Variants in MAST2 observed in about 807,000 individuals in gnomAD.
The protein encoded by MAST2 is microtubule associated serine/threonine kinase 2.
Under a neutral mutation model 147.4 loss-of-function variants are expected in MAST2, and 70 were observed. The ratio of observed to expected loss-of-function variants is 0.47; its 90% CI spans 0.39 to 0.58. The LOEUF is 0.58. MAST2 is among the 20% of genes least tolerant of loss of function. The probability of loss-of-function intolerance (pLI) is 0.00; values close to 1 mark genes in which losing one functional copy is unlikely to be tolerated. For synonymous variants in MAST2, 869 were observed against 896.8 expected, an observed-to-expected ratio of 0.97 and a Z score of 0.55; for missense variants, 2,080 against 2,302.3, an observed-to-expected ratio of 0.90 and a Z score of 1.98.
At chr1:45,881,655 A>G (rs1378545467) in intron 3 of MAST2, among the ~76,000 whole-genome samples, 1 of 152,006 alleles carries the variant, frequency 6.6e-6, no homozygotes, top group Non-Finnish European at 1.5e-5. Context: ...AATATTTTCT[A>G]GTTATCACCC....
At chr1:45,826,545 G>C (rs908790690) in intron 2 of MAST2, among the ~76,000 whole-genome samples, 10 of 151,906 alleles carry the variant, frequency 6.6e-5, no homozygotes, top group Non-Finnish European at 8.8e-5. Flanking sequence ...TAGAGAGGGG[G>C]TTTCGCCATG....
At position 45,997,759 on chromosome 1, in the gene MAST2, C is replaced by A. The variant is rs1220099574; in HGVS notation, c.628C>A (p.Pro210Thr). 1 of 1,614,176 alleles carries A rather than the reference C, an allele frequency of 6.2e-7. No individual in the cohort carries two copies. Among genetic ancestry groups the A allele is most frequent in the East Asian group, 2.2e-5 (1 of 44,882 alleles). The change falls in exon 6 of 29, where the codon CCA (proline) becomes ACA (threonine). Residue 210 changes from proline to threonine, a missense_variant. Transcript: ENST00000361297. ...TTTGGACAGCCCCCGGAATTTCTCT[C>A]CAAATGCACCTGCTCACTTTTCTTT... ...SPLDSPRNFS[P>T]NAPAHFSFVP...
Position 45,803,878 on chromosome 1 carries a change from C to T in MAST2, c.-18C>T. On this transcript the variant is annotated 5_prime_UTR_variant, in exon 1 of 29. Coordinates refer to ENST00000361297, the MANE Select transcript of MAST2 (RefSeq NM_015112.3). ...GGGACAGTCGCGGCGCTGACGCCCG[C>T]GGGCCCCAGCTGCAGATATGAAGCG... The T allele has an allele frequency of 3.5e-6, 2 of 568,496 alleles. No individual in the cohort carries two copies. Among genetic ancestry groups the T allele is most frequent in the Admixed American group, 4.5e-5 (1 of 22,466 alleles). The allele number at this position is 568,496 out of a possible 1,614,324, so 35.2% of individuals were successfully genotyped here. A position where few individuals can be genotyped will look rare whatever the true frequency, so the allele number is the denominator to read the frequency against.
intron 2 of MAST2, among the ~76,000 whole-genome samples, chr1:45,826,977 A>G (rs1402069736): frequency 6.6e-6 from 1 of 151,400 alleles, no homozygotes; most frequent in Non-Finnish European, 1.5e-5. Context: ...TACAGGTGCC[A>G]TGCCACCACA....
Position 46,035,905 on chromosome 1 carries a change from G to A in MAST2, c.5236G>A (p.Val1746Met), listed in dbSNP as rs375957119. 7 of 1,613,980 alleles carry A rather than the reference G, an allele frequency of 4.3e-6. No individual in the cohort carries two copies. In the African/African-American group the frequency reaches 6.7e-5, roughly 15 times the overall value. ...KEDPALSITQ[V>M]PDASGDRRQD... ...GGATCCAGCCCTGAGCATCACCCAA[G>A]TGCCTGATGCCTCAGGTGACAGAAG... Residue 1746 changes from valine to methionine, a missense_variant, in exon 29 of 29, where the codon GTG becomes ATG. By Grantham distance (21) the Val-to-Met change is conservative. Around this residue, in one of 4 missense-constraint regions of MAST2, gnomAD observed 1,278 missense variants for 1,304.2 expected, o/e 0.98. Transcript: ENST00000361297. This position sits in a 1 kb window ranked among gnomAD's most constrained non-coding sequence, Gnocchi z 5.5.
intron 4 of MAST2, among the ~76,000 whole-genome samples, chr1:45,909,557 G>C (rs1651336582): frequency 6.7e-6 from 1 of 148,678 alleles, no homozygotes; most frequent in African/African-American, 2.5e-5. Flanking sequence ...GTCTGGCTCT[G>C]TCGCCAGGCT....
In MAST2 at chr1:46,023,208, TC is replaced by T; in HGVS notation, c.1486-23del. On this transcript the variant is annotated intron_variant, in intron 13 of 28. Transcript: ENST00000361297. This position sits in a 1 kb window ranked among gnomAD's most constrained non-coding sequence, Gnocchi z 4.9. ...ATGGGCTCTGAGAAGCATGCCTGTC[TC>T]CTGCCTTTTCCCTTGTCTTCCAGGG... is the stretch of plus-strand genomic sequence containing the variant. The T allele has an allele frequency of 6.2e-7, 1 of 1,600,632 alleles. No homozygotes were observed. Among genetic ancestry groups the T allele is most frequent in the Non-Finnish European group, 8.6e-7 (1 of 1,167,692 alleles).
chr1:46,026,675 G>A (rs925730748), intron 16 of MAST2, among the ~76,000 whole-genome samples: 1 of 152,084 alleles, frequency 6.6e-6, no homozygotes, highest in South Asian at 2.1e-4. Context: ...GTGTGGGGAA[G>A]TATAAAGGAA....
intron 3 of MAST2, among the ~76,000 whole-genome samples, chr1:45,869,398 T>C (rs1646289512): frequency 6.6e-6 from 1 of 152,232 alleles, no homozygotes; most frequent in Non-Finnish European, 1.5e-5. Flanking sequence ...GTTACATCCC[T>C]TGATCACCTC....
chr1:45,929,766 T>C (rs1325234984), intron 4 of MAST2, among the ~76,000 whole-genome samples: 2 of 152,200 alleles, frequency 1.3e-5, no homozygotes, highest in African/African-American at 2.4e-5. Flanking sequence ...ATGGCTTTGT[T>C]TGTTAATATA....
In MAST2 at chr1:45,817,596, A is replaced by G. The variant is rs137935098; in HGVS notation, c.178-6837A>G. ...GCTAAAGGGAGTTCTTCAATCTGAAAGAAAAGGATGTTAATGAGCAATAAG... is the reference window on the plus strand; with the variant it reads ...GCTAAAGGGAGTTCTTCAATCTGAAGGAAAAGGATGTTAATGAGCAATAAG... On this transcript the variant is annotated intron_variant, in intron 1 of 28. Transcript: ENST00000361297. Among the ~76,000 whole-genome samples, 176 of 152,376 alleles carry G rather than the reference A, an allele frequency of 1.2e-3. 1 individual carries two copies. The highest frequency in any genetic ancestry group is 8.9e-3 in the Admixed American group (136 of 15,308).
chr1:45,953,669 G>A (rs2148876697), intron 4 of MAST2, among the ~76,000 whole-genome samples: 1 of 152,350 alleles, frequency 6.6e-6, no homozygotes, highest in East Asian at 1.9e-4. Flanking sequence ...GTTAACGCTG[G>A]TCCTAGTAGC....
chr1:45,803,742 GGCTCGAAGGCGCCGCGGGCTGGGGTCGGT>G lies in MAST2; in HGVS notation c.-152_-124del, dbSNP rs1368882691. The G allele has an allele frequency of 2.8e-6, 1 of 352,164 alleles. No individual in the cohort carries two copies. The highest frequency in any genetic ancestry group is 4.3e-5 in the East Asian group (1 of 23,256). 21.8% of individuals were successfully genotyped at this position (352,164 alleles called of 1,614,324 possible). A position where few individuals can be genotyped will look rare whatever the true frequency, so the allele number is the denominator to read the frequency against. On this transcript the variant is annotated 5_prime_UTR_variant, in exon 1 of 29. Transcript: ENST00000361297. ...GGTCGCGGCGCCGGAGGCCCCAGAA[GGCTCGAAGGCGCCGCGGGCTGGGGTCGGT>G]GGCTTAGGGAGCCCGTCCGGCCATG...
chr1:46,013,229 AAGTT>A (rs1468401842), intron 10 of MAST2, among the ~76,000 whole-genome samples: 59 of 152,180 alleles, frequency 3.9e-4, no homozygotes, highest in African/African-American at 1.4e-3. Context: ...TAAGGAAACT[AAGTT>A]AGCTCAAGAT....
intron 4 of MAST2, among the ~76,000 whole-genome samples, chr1:45,945,285 A>T (rs766931004): frequency 2.8e-4 from 42 of 152,244 alleles, no homozygotes; most frequent in Non-Finnish European, 6.0e-4. Context: ...TAGGTGACAG[A>T]GTGAAACCCT....
chr1:45,885,573 AAATT>A (rs1647045321), intron 4 of MAST2, among the ~76,000 whole-genome samples: 2 of 152,202 alleles, frequency 1.3e-5, no homozygotes, highest in African/African-American at 4.8e-5. Context: ...TATAGCATAA[AAATT>A]AACAGCTTGG....
chr1:45,848,712 A>G (rs377543788), intron 3 of MAST2, among the ~76,000 whole-genome samples: 1 of 152,148 alleles, frequency 6.6e-6, no homozygotes, highest in East Asian at 1.9e-4. Context: ...ATTTATGAAA[A>G]TAGTTAAGGG....
chr1:45,951,555 C>G (rs1658934571), intron 4 of MAST2, among the ~76,000 whole-genome samples: 1 of 152,032 alleles, frequency 6.6e-6, no homozygotes, highest in South Asian at 2.1e-4. Context: ...TGCACTCCAA[C>G]CTGGGTGACA....
rs779624029 is a variant in MAST2, at chr1:46,034,881, G to A, written c.4212G>A (p.Arg1404=). The A allele has an allele frequency of 1.2e-6, 2 of 1,614,094 alleles. No homozygotes were observed. The highest frequency in any genetic ancestry group is 1.1e-5 in the South Asian group (1 of 91,090). ...AEPPRSPLLK[R]VQSAEKLAAA... The stretch of plus-strand genomic sequence containing the variant: ...CACCCCGTTCACCACTACTCAAGAG[G>A]GTGCAGTCGGCTGAGAAACTGGCAG... Residue 1404 remains arginine, a synonymous_variant, in exon 29 of 29, where the codon AGG becomes AGA. Coordinates refer to ENST00000361297, the MANE Select transcript of MAST2 (RefSeq NM_015112.3).
Sources: gnomAD v4.1 joint callset for allele counts (sites outside exome capture counted in the v4.1 genomes callset) on GRCh38, gnomAD v4.1.1 for gene constraint, gnomAD v4.1.1 regional missense constraint, Gnocchi (gnomAD v3.1) non-coding constraint, MANE v1.5 for transcripts, NCBI Gene and HGNC (gene_info 2026-07-23, HGNC 2026-07-21) for gene names.